FARSB: variants seen among roughly 807,000 people sequenced by gnomAD.
FARSB encodes the protein phenylalanine--tRNA ligase beta subunit.
A neutral mutation model predicts 69.6 loss-of-function variants in FARSB; 40 were observed. The observed-to-expected ratio is 0.57, with a 90% CI of 0.45 to 0.75. The LOEUF is 0.75. FARSB is among the 30% of genes least tolerant of loss of function. The pLI is 0.00. For missense variants in FARSB, 632 were observed against 722.9 expected (o/e 0.87, Z 1.44); for synonymous variants, 235 against 247.2 (o/e 0.95, Z 0.46).
At chr2:222,650,909 T>TA (rs1692020102) in intron 1 of FARSB, among the ~76,000 whole-genome samples, 1 of 152,218 alleles carries the variant, frequency 6.6e-6, no homozygotes, top group Admixed American at 6.5e-5. Context: ...AGTACCAGAG[T>TA]AATTTGTTAC....
intron 5 of FARSB, among the ~76,000 whole-genome samples, chr2:222,635,105 G>C (rs1691546043): frequency 6.6e-6 from 1 of 152,098 alleles, no homozygotes; most frequent in South Asian, 2.1e-4. Flanking sequence ...CATTTCACTT[G>C]TTCTACAGTT....
Position 222,651,313 on chromosome 2 carries a change from G to A in FARSB, c.59-2518C>T, listed in dbSNP as rs777697284. Among the ~76,000 whole-genome samples, 27 of 152,034 alleles carry A rather than the reference G, an allele frequency of 1.8e-4. 1 individual carries two copies. Among genetic ancestry groups the A allele is most frequent in the Non-Finnish European group, 3.1e-4 (21 of 67,990 alleles). ...ACCTGGGTTTTTCTTGTGCTTATGTGAAAAAAAGAGATAAGCTAAAGGAAA... is the reference window on the plus strand; with the variant it reads ...ACCTGGGTTTTTCTTGTGCTTATGTAAAAAAAAGAGATAAGCTAAAGGAAA... On this transcript the variant is annotated intron_variant, in intron 1 of 16. Transcript: ENST00000281828.
chr2:222,611,387 G>C (rs1456917433), intron 15 of FARSB, among the ~76,000 whole-genome samples: 7 of 128,816 alleles, frequency 5.4e-5, no homozygotes, highest in Non-Finnish European at 1.1e-4. Context: ...TGAGTTTCTG[G>C]GATAATCACC....
intron 16 of FARSB, among the ~76,000 whole-genome samples, chr2:222,594,451 CTTAG>C (rs1690359668): frequency 6.6e-6 from 1 of 151,982 alleles, no homozygotes; most frequent in Non-Finnish European, 1.5e-5. Context: ...AAAAATTTTG[CTTAG>C]TTATTGATAA....
Position 222,600,101 on chromosome 2 carries a change from CTG to C in FARSB, c.1463-20_1463-19del. On this transcript the variant is annotated intron_variant, in intron 15 of 16. Coordinates refer to ENST00000281828, the MANE Select transcript of FARSB (RefSeq NM_005687.5). Reference sequence around the variant, plus strand: ...ACCTACATCTAGAAAAATAAAGGAACTGGTCACAACGCTGTATTAACCATTGC... The same window carrying C: ...ACCTACATCTAGAAAAATAAAGGAACGTCACAACGCTGTATTAACCATTGC... 6.3e-7 allele frequency: 1 copy of C among 1,596,190 alleles called. No individual in the cohort carries two copies. Among genetic ancestry groups the C allele is most frequent in the South Asian group, 1.1e-5 (1 of 88,236 alleles).
At chr2:222,578,049 C>G (rs1480794859) in intron 16 of FARSB, among the ~76,000 whole-genome samples, 3 of 152,158 alleles carry the variant, frequency 2.0e-5, no homozygotes, top group African/African-American at 7.2e-5. Context: ...ATTTTTACCT[C>G]TAGGTTAAAA....
intron 5 of FARSB, among the ~76,000 whole-genome samples, chr2:222,639,324 T>A (rs569602566): frequency 6.6e-6 from 1 of 152,310 alleles, no homozygotes; most frequent in East Asian, 1.9e-4. Flanking sequence ...AAAATATACC[T>A]CCTGTTTCTC....
At chr2:222,626,287 A>T (rs574447386) in intron 10 of FARSB, among the ~76,000 whole-genome samples, 1 of 151,480 alleles carries the variant, frequency 6.6e-6, no homozygotes, top group East Asian at 1.9e-4. Context: ...TGAACAAATT[A>T]ATGAATTAAT....
intron 15 of FARSB, among the ~76,000 whole-genome samples, chr2:222,607,061 T>A (rs2106204245): frequency 6.6e-6 from 1 of 152,358 alleles, no homozygotes; most frequent in Non-Finnish European, 1.5e-5. Flanking sequence ...GACTATAATT[T>A]ATATTGCAAA....
At chr2:222,613,211 A>G (rs560377904) in intron 15 of FARSB, among the ~76,000 whole-genome samples, 76 of 152,374 alleles carry the variant, frequency 5.0e-4, no homozygotes, top group African/African-American at 1.8e-3. Context: ...AATCATGAAA[A>G]TTAAATTTAT....
At chr2:222,584,599 T>C (rs1690058998) in intron 16 of FARSB, among the ~76,000 whole-genome samples, 1 of 152,230 alleles carries the variant, frequency 6.6e-6, no homozygotes, top group Non-Finnish European at 1.5e-5. Context: ...AGCCAAGGGA[T>C]GCCGTGACAG....
chr2:222,655,821 G>A (rs1309069124), intron 1 of FARSB, among the ~76,000 whole-genome samples, 195 bp downstream of exon 1: 4 of 152,268 alleles, frequency 2.6e-5, no homozygotes, highest in African/African-American at 4.8e-5. Context: ...ACAAGCAGTG[G>A]CACCGCTGCG....
chr2:222,608,036 A>G (rs573755483), intron 15 of FARSB, among the ~76,000 whole-genome samples: 2 of 152,318 alleles, frequency 1.3e-5, no homozygotes, highest in South Asian at 4.1e-4. Flanking sequence ...ACTATGTGGA[A>G]CCAAATGTAC....
At chr2:222,612,407 C>T (rs1188830259) in intron 15 of FARSB, among the ~76,000 whole-genome samples, 1 of 152,210 alleles carries the variant, frequency 6.6e-6, no homozygotes, top group African/African-American at 2.4e-5. Flanking sequence ...TATTGGGGAA[C>T]AGATGGAATC....
At chr2:222,591,295 G>A (rs763869037) in intron 16 of FARSB, among the ~76,000 whole-genome samples, 10 of 151,654 alleles carry the variant, frequency 6.6e-5, no homozygotes, top group Admixed American at 2.0e-4. Flanking sequence ...TTTTTAAGTC[G>A]GTGTTAATGA....
intron 2 of FARSB, among the ~76,000 whole-genome samples, chr2:222,644,265 G>A (rs1236470880): frequency 1.3e-5 from 2 of 152,158 alleles, no homozygotes; most frequent in Non-Finnish European, 2.9e-5. Context: ...AGGAGTCTAT[G>A]CAATGCTGGG....
At chr2:222,585,840 G>C (rs946469405) in intron 16 of FARSB, among the ~76,000 whole-genome samples, 2 of 152,248 alleles carry the variant, frequency 1.3e-5, no homozygotes, top group South Asian at 2.1e-4. Flanking sequence ...AATGAACAAA[G>C]CCTCCAAGAA....
At chr2:222,583,584 G>A (rs1388155273) in intron 16 of FARSB, among the ~76,000 whole-genome samples, 1 of 152,186 alleles carries the variant, frequency 6.6e-6, no homozygotes, top group African/African-American at 2.4e-5. Context: ...TGAAAGTGAA[G>A]AAAAGACTAT....
chr2:222,622,934 T>G (rs1252009475), intron 13 of FARSB, among the ~76,000 whole-genome samples: 2 of 152,308 alleles, frequency 1.3e-5, no homozygotes, highest in East Asian at 3.9e-4. Context: ...GTAGAGTCCC[T>G]TAAATACTCT....
Sources: allele counts gnomAD v4.1 joint callset (sites outside exome capture counted in the v4.1 genomes callset), GRCh38; gene constraint gnomAD v4.1.1; transcripts MANE v1.5; gene names NCBI Gene and HGNC (gene_info 2026-07-23, HGNC 2026-07-21).